FREM1: variants seen among roughly 807,000 people sequenced by gnomAD.
The protein encoded by FREM1 is FRAS1 related extracellular matrix 1, also known as FRAS1-related extracellular matrix protein 1.
In FREM1, 220 loss-of-function variants were observed where a neutral mutation model predicts 210.1. That is an observed-to-expected ratio of 1.05 (90% CI 0.94 to 1.17). The LOEUF is 1.17. Among genes scored for constraint, FREM1 ranks in the 50% most tolerant of loss-of-function variants. The pLI is 0.00. For synonymous variants in FREM1, 1,189 were observed against 980.2 expected (o/e 1.21, Z -3.98); for missense variants, 3,454 against 2,675.5 (o/e 1.29, Z -6.42).
chr9:14,820,458 G>C (rs539818049), intron 13 of FREM1, among the ~76,000 whole-genome samples: 1 of 152,296 alleles, frequency 6.6e-6, no homozygotes, highest in African/African-American at 2.4e-5. Flanking sequence ...GGTCCCAGCA[G>C]GGAGGATGTT....
chr9:14,869,830 G>T (rs149858972), intron 1 of FREM1, among the ~76,000 whole-genome samples: 1 of 152,190 alleles, frequency 6.6e-6, no homozygotes, highest in Non-Finnish European at 1.5e-5. Context: ...GAACATTCAA[G>T]TTTCTGTTTA....
intron 5 of FREM1, among the ~76,000 whole-genome samples, chr9:14,852,118 C>G (rs1481187935): frequency 6.6e-6 from 1 of 152,182 alleles, no homozygotes. Flanking sequence ...CCTTCCTCAC[C>G]TCCTGTCATG....
chr9:14,759,704 A>G, intron 28 of FREM1, 68 bp downstream of exon 28: 3 of 1,379,956 alleles, frequency 2.2e-6, no homozygotes, highest in Non-Finnish European at 9.7e-7. Flanking sequence ...TTCTAAAAAA[A>G]ATATAATGAA....
At chr9:14,763,697 A>G (rs1248784236) in intron 27 of FREM1, among the ~76,000 whole-genome samples, 3 of 152,144 alleles carry the variant, frequency 2.0e-5, no homozygotes, top group African/African-American at 7.2e-5. Flanking sequence ...TAAAATCACA[A>G]TGTCTTTCCC....
At chr9:14,877,455 A>C (rs906572298) in intron 1 of FREM1, among the ~76,000 whole-genome samples, 1 of 113,752 alleles carries the variant, frequency 8.8e-6, no homozygotes. Flanking sequence ...TTTATGGTAG[A>C]CAGATCTTAG....
intron 1 of FREM1, among the ~76,000 whole-genome samples, chr9:14,905,668 C>G (rs1817560821): frequency 6.6e-6 from 1 of 152,174 alleles, no homozygotes; most frequent in South Asian, 2.1e-4. Context: ...GCTGGCGGAT[C>G]ACCTGAGGTC....
intron 8 of FREM1, among the ~76,000 whole-genome samples, chr9:14,842,867 T>C (rs1564056505): frequency 6.6e-6 from 1 of 152,298 alleles, no homozygotes; most frequent in East Asian, 1.9e-4. Flanking sequence ...TTGTGCAGAT[T>C]TGAGCAAGGT....
chr9:14,784,267 T>G, intron 24 of FREM1, 103 bp downstream of exon 24: 2 of 1,012,820 alleles, frequency 2.0e-6, no homozygotes, highest in East Asian at 4.8e-5. Flanking sequence ...ATAAGATACA[T>G]GTATTTTGTG....
chr9:14,886,658 G>T (rs979450633), intron 1 of FREM1, among the ~76,000 whole-genome samples: 2 of 152,000 alleles, frequency 1.3e-5, no homozygotes, highest in African/African-American at 2.4e-5. Flanking sequence ...CATTTTGGGA[G>T]GCCAAGGAAG....
chr9:14,869,616 G>T (rs2131855473), intron 1 of FREM1, among the ~76,000 whole-genome samples: 1 of 152,244 alleles, frequency 6.6e-6, no homozygotes, highest in East Asian at 1.9e-4. Flanking sequence ...GTTAAATGAG[G>T]ATTATAATCT....
At chr9:14,789,172 G>T (rs369839824) in intron 22 of FREM1, 58 bp from the exon 23 acceptor site, 9 of 1,146,934 alleles carry the variant, frequency 7.8e-6, no homozygotes, top group Non-Finnish European at 1.1e-5. Context: ...CCCAACGTAC[G>T]TTAGTGGACA....
chr9:14,798,572 T>C (rs900686719), intron 20 of FREM1, among the ~76,000 whole-genome samples: 5 of 152,158 alleles, frequency 3.3e-5, no homozygotes, highest in Non-Finnish European at 1.5e-5. Context: ...ATCATCCCAC[T>C]TCACTCAAGC....
chr9:14,745,482 T>C (rs1423851112), intron 35 of FREM1, among the ~76,000 whole-genome samples: 1 of 152,200 alleles, frequency 6.6e-6, no homozygotes, highest in African/African-American at 2.4e-5. Flanking sequence ...ATTTTGTCAT[T>C]GATTTGTTGA....
At chr9:14,873,845 C>T (rs1833189327) in intron 1 of FREM1, among the ~76,000 whole-genome samples, 1 of 152,030 alleles carries the variant, frequency 6.6e-6, no homozygotes, top group Non-Finnish European at 1.5e-5. Context: ...TTGAATGTGT[C>T]CCAGAGATTC....
intron 27 of FREM1, among the ~76,000 whole-genome samples, chr9:14,768,678 A>G (rs907655954): frequency 6.6e-6 from 1 of 152,168 alleles, no homozygotes; most frequent in Non-Finnish European, 1.5e-5. Flanking sequence ...AAAGGAGGCT[A>G]GCTTTTTTCT....
chr9:14,824,172 C>T lies in FREM1; in HGVS notation c.2079-57G>A, dbSNP rs12000766. The T allele has an allele frequency of 2.2e-3, 2,316 of 1,070,714 alleles. 30 individuals are homozygous for T. The African/African-American group carries it at 0.032, about 15-fold the overall frequency. 66.3% of individuals were successfully genotyped at this position (1,070,714 alleles called of 1,614,324 possible). A position where few individuals can be genotyped will look rare whatever the true frequency, so the allele number is the denominator to read the frequency against. ...CATTTTTAGGTAAGAAAAATGAAAT[C>T]GAATAGCCCACAATCAAAAACTGAA... On this transcript the variant is annotated intron_variant, in intron 11 of 36. Coordinates refer to ENST00000380880, the MANE Select transcript of FREM1 (RefSeq NM_001379081.2).
intron 1 of FREM1, among the ~76,000 whole-genome samples, chr9:14,876,415 T>G (rs1833756742): frequency 6.6e-6 from 1 of 152,150 alleles, no homozygotes; most frequent in Non-Finnish European, 1.5e-5. Context: ...GCTGCCGCCT[T>G]GCAGTTTGAT....
chr9:14,751,729 C>T (rs570674605), intron 29 of FREM1: 2 of 152,234 alleles, frequency 1.3e-5, no homozygotes, highest in East Asian at 3.9e-4. Context: ...AACTGTCCAT[C>T]TATATGGTGG....
At position 14,851,334 on chromosome 9, in the gene FREM1, T is replaced by G; in HGVS notation, c.1102A>C (p.Ile368Leu). ...FTWKDLSDMQIAYQPPNSSHS... is the reference protein window; with the variant it reads ...FTWKDLSDMQLAYQPPNSSHS... Reference sequence around the variant, plus strand: ...CTGCTGTTTGGTGGCTGATAGGCGATCTGCATGTCACTGAGATCTTTCCAG... The same window carrying G: ...CTGCTGTTTGGTGGCTGATAGGCGAGCTGCATGTCACTGAGATCTTTCCAG... Residue 368 changes from isoleucine (I) to leucine (L), a missense_variant, in exon 6 of 37, where the codon ATC (isoleucine) becomes CTC (leucine). Physicochemically the swap from Ile to Leu is conservative, Grantham distance 5. Coordinates refer to ENST00000380880, the MANE Select transcript of FREM1 (RefSeq NM_001379081.2). 1 of 1,609,640 alleles carries G rather than the reference T, an allele frequency of 6.2e-7. No individual in the cohort carries two copies. The highest frequency in any genetic ancestry group is 2.2e-5 in the East Asian group (1 of 44,786).
Sources: allele counts gnomAD v4.1 joint callset (sites outside exome capture counted in the v4.1 genomes callset), GRCh38; gene constraint gnomAD v4.1.1; transcripts MANE v1.5; gene names NCBI Gene and HGNC (gene_info 2026-07-23, HGNC 2026-07-21).